NTRK3: variants seen among roughly 807,000 people sequenced by gnomAD.
The protein encoded by NTRK3 is neurotrophic receptor tyrosine kinase 3.
A neutral mutation model predicts 91.7 loss-of-function variants in NTRK3; 24 were observed. The ratio of observed to expected loss-of-function variants is 0.26; its 90% CI spans 0.19 to 0.37. NTRK3 has a LOEUF of 0.37. Ranked by LOEUF, NTRK3 falls within the 10% of genes least tolerant of loss-of-function variation. The pLI is 1.00. For missense variants in NTRK3, 880 were observed against 1,068.9 expected, an observed-to-expected ratio of 0.82 and a Z score of 2.46; for synonymous variants, 483 against 404.0, an observed-to-expected ratio of 1.20 and a Z score of -2.34.
intron 13 of NTRK3, among the ~76,000 whole-genome samples, chr15:88,065,159 G>C (rs2142554964): frequency 6.6e-6 from 1 of 152,220 alleles, no homozygotes; most frequent in Non-Finnish European, 1.5e-5. Flanking sequence ...AAAGAGGGTA[G>C]AGGTCACCTT....
rs2068580559 is a variant in NTRK3 at position 87,929,179 on chromosome 15, A to G, written c.2133+12T>C. The G allele has an allele frequency of 6.2e-7, 1 of 1,614,056 alleles. No homozygotes were observed. The highest frequency in any genetic ancestry group is 1.3e-5 in the African/African-American group (1 of 74,912). The stretch of plus-strand genomic sequence containing the variant: ...CTGTGGCTGAGTCCTGCAGCTGGGA[A>G]AGTCACTTTACCCTGTAATAATCCG... On this transcript the variant is annotated intron_variant, in intron 17 of 18. Transcript: ENST00000394480.
At chr15:87,973,601 C>T (rs1182042873) in intron 14 of NTRK3, among the ~76,000 whole-genome samples, 2 of 152,106 alleles carry the variant, frequency 1.3e-5, no homozygotes, top group Non-Finnish European at 2.9e-5. Flanking sequence ...AATCTGGAGG[C>T]TGCAAGCAGT....
At chr15:88,200,249 T>C (rs1229230962) in intron 3 of NTRK3, among the ~76,000 whole-genome samples, 1 of 152,098 alleles carries the variant, frequency 6.6e-6, no homozygotes, top group South Asian at 2.1e-4. Context: ...ACTCAGTGGG[T>C]TCAACTTCTC....
chr15:87,945,816 A>C (rs201149014), intron 14 of NTRK3, among the ~76,000 whole-genome samples: 51,296 of 142,772 alleles, frequency 0.36, 9,445 homozygotes, highest in South Asian at 0.5. Context: ...AAAAAAAAAA[A>C]AAAAAAAAAA....
At chr15:88,006,041 C>T (rs755916203) in intron 14 of NTRK3, among the ~76,000 whole-genome samples, 2 of 152,170 alleles carry the variant, frequency 1.3e-5, no homozygotes, top group Non-Finnish European at 2.9e-5. Flanking sequence ...TTTTCAAGAG[C>T]TTCTCACAGG....
chr15:88,186,784 A>G (rs1029525562), intron 3 of NTRK3, among the ~76,000 whole-genome samples: 4 of 152,186 alleles, frequency 2.6e-5, no homozygotes, highest in African/African-American at 9.7e-5. Context: ...CAGAGGCCAT[A>G]TGGCCTGCAA....
At chr15:88,109,200 G>A (rs1809271379) in intron 13 of NTRK3, among the ~76,000 whole-genome samples, 3 of 152,302 alleles carry the variant, frequency 2.0e-5, no homozygotes, top group East Asian at 1.9e-4. Context: ...CCGGTGAGCC[G>A]CAAGCAGGCT....
chr15:88,106,083 C>T (rs574542230), intron 13 of NTRK3, among the ~76,000 whole-genome samples: 12 of 152,366 alleles, frequency 7.9e-5, no homozygotes, highest in African/African-American at 2.4e-4. Context: ...GTCAAGATTA[C>T]ATATTTTCAT....
chr15:88,157,307 G>A lies in NTRK3; in HGVS notation c.396-9904C>T, dbSNP rs112042583. On this transcript the variant is annotated intron_variant, in intron 5 of 18. Transcript: ENST00000394480. ...CACACTTATCCCCACAGCTGTCTCC[G>A]TCTGGCTCCACCAAGAAACACACTG... Among the ~76,000 whole-genome samples, 529 of 151,764 alleles carry A rather than the reference G, an allele frequency of 3.5e-3. 4 individuals carry two copies. The highest frequency in any genetic ancestry group is 0.031 in the Middle Eastern group (9 of 294).
chr15:87,940,705 C>T, exon 15 of NTRK3: 1 of 1,614,110 alleles, frequency 6.2e-7, no homozygotes, highest in Non-Finnish European at 8.5e-7. Flanking sequence ...GGCTCCCTCA[C>T]CCAGTTCTCG....
intron 13 of NTRK3, among the ~76,000 whole-genome samples, chr15:88,095,465 A>T (rs79089791): frequency 0.017 from 2,522 of 152,314 alleles, 51 homozygotes; most frequent in African/African-American, 0.054. Context: ...AATGTTGTCA[A>T]TGGCATTTTT....
intron 13 of NTRK3, among the ~76,000 whole-genome samples, chr15:88,046,510 C>G (rs558508259): frequency 6.6e-6 from 1 of 152,146 alleles, no homozygotes; most frequent in East Asian, 1.9e-4. Flanking sequence ...AGACAGTCAA[C>G]CAGGGGAGGA....
rs2051524038 is a variant in NTRK3, at chr15:88,234,669, C to T, written c.248+21237G>A. 6.6e-6 allele frequency among the ~76,000 whole-genome samples: 1 copy of T among 152,218 alleles called. No individual in the cohort carries two copies. On this transcript the variant is annotated intron_variant, in intron 3 of 18. Coordinates refer to ENST00000394480, the Ensembl canonical transcript of NTRK3. The surrounding 1 kb of genome is among the most constrained non-coding windows in gnomAD (Gnocchi z 6.1). ...AAGCACCCCCTCACAGAAATCTGTACAACCTTGTGCTTCTTTCTCCAACAC... is the reference window on the plus strand; with the variant it reads ...AAGCACCCCCTCACAGAAATCTGTATAACCTTGTGCTTCTTTCTCCAACAC...
intron 13 of NTRK3, among the ~76,000 whole-genome samples, chr15:88,087,251 T>C (rs1015157431): frequency 1.3e-5 from 2 of 152,092 alleles, no homozygotes; most frequent in South Asian, 2.1e-4. Flanking sequence ...GTTCACAAGC[T>C]AAAGAGTGGA....
At chr15:88,141,921 G>A (rs907195244) in intron 6 of NTRK3, among the ~76,000 whole-genome samples, 1 of 152,222 alleles carries the variant, frequency 6.6e-6, no homozygotes, top group African/African-American at 2.4e-5. Context: ...CTTGAAACCT[G>A]GTCCTTTGTT....
At chr15:88,008,931 C>G (rs899887615) in intron 14 of NTRK3, among the ~76,000 whole-genome samples, 1 of 152,192 alleles carries the variant, frequency 6.6e-6, no homozygotes, top group Admixed American at 6.5e-5. Context: ...GACCAGCCCC[C>G]CTCGGGCCTA....
intron 13 of NTRK3, among the ~76,000 whole-genome samples, chr15:88,095,788 G>A (rs1414566782): frequency 6.6e-6 from 1 of 152,130 alleles, no homozygotes; most frequent in Non-Finnish European, 1.5e-5. Context: ...TGATTATACA[G>A]CCACAAGAAG....
intron 3 of NTRK3, among the ~76,000 whole-genome samples, chr15:88,228,756 C>T (rs2050906306): frequency 6.6e-6 from 1 of 152,174 alleles, no homozygotes. Context: ...GTCTGCAAGC[C>T]AACAAGCTCT....
chr15:87,943,194 T>G (rs1345564068), intron 14 of NTRK3, among the ~76,000 whole-genome samples: 6 of 152,116 alleles, frequency 3.9e-5, no homozygotes, highest in Admixed American at 3.3e-4. Context: ...AACCACACTT[T>G]GAGAATCACC....
Sources: gnomAD v4.1 joint callset for allele counts (sites outside exome capture counted in the v4.1 genomes callset) on GRCh38, gnomAD v4.1.1 for gene constraint, Gnocchi (gnomAD v3.1) non-coding constraint, MANE v1.5 for transcripts, NCBI Gene and HGNC (gene_info 2026-07-23, HGNC 2026-07-21) for gene names.